Variants in SHISA9 observed in about 807,000 individuals in gnomAD.
The protein encoded by SHISA9 is shisa family member 9.
In SHISA9, 13 loss-of-function variants were observed where a neutral mutation model predicts 38.0. The ratio of observed to expected loss-of-function variants is 0.34; its 90% CI spans 0.22 to 0.54. The LOEUF (loss-of-function observed/expected upper bound fraction) is 0.54, where lower values mean the gene tolerates loss of function less well. SHISA9 is among the 20% of genes least tolerant of loss of function. The probability of loss-of-function intolerance (pLI) is 0.91; values close to 1 mark genes in which losing one functional copy is unlikely to be tolerated. For synonymous variants in SHISA9, 275 were observed against 242.0 expected, an observed-to-expected ratio of 1.14 and a Z score of -1.27; for missense variants, 538 against 575.8, an observed-to-expected ratio of 0.93 and a Z score of 0.67.
At chr16:13,076,021 A>T (rs1260337763) in intron 2 of SHISA9, among the ~76,000 whole-genome samples, 1 of 150,504 alleles carries the variant, frequency 6.6e-6, no homozygotes, top group Non-Finnish European at 1.5e-5. Context: ...ACCCCCATTG[A>T]GAAATAGATT....
chr16:13,382,060 A>ACTTTATCAAACCG, the SHISA9 span, among the ~76,000 whole-genome samples: 1 of 152,212 alleles, frequency 6.6e-6, no homozygotes, highest in Admixed American at 6.5e-5. Flanking sequence ...TGATAATATA[A>ACTTTATCAAACCG]TCAGGGACGG....
rs1424762180 is a variant in SHISA9, at chr16:13,081,397, C to T, written c.692-121997C>T. ...ATGGATGTAAAAGGGTCAGGCGAGG[C>T]TGACAAGCCAGTCCTCACGGCTACT... On this transcript the variant is annotated intron_variant, in intron 2 of 4. Coordinates refer to ENST00000558583, the MANE Select transcript of SHISA9 (RefSeq NM_001145204.3). Among the ~76,000 whole-genome samples the T allele has an allele frequency of 2.0e-5, 3 of 152,296 alleles. No homozygotes were observed. The East Asian group carries it at 5.8e-4, about 29-fold the overall frequency.
rs1418990495 is a variant in SHISA9 at position 13,239,702 on chromosome 16, T to C, written c.*4293T>C. On this transcript the variant is annotated 3_prime_UTR_variant, in exon 5 of 5. Coordinates refer to ENST00000558583, the MANE Select transcript of SHISA9 (RefSeq NM_001145204.3). Reference sequence around the variant, plus strand: ...GGTTGTTTGTTTTTTTCTTGTAAATTTGTTTGAGTTCATTGTAGATTCTGG... The same window carrying C: ...GGTTGTTTGTTTTTTTCTTGTAAATCTGTTTGAGTTCATTGTAGATTCTGG... The C allele has an allele frequency of 2.0e-5, 3 of 152,116 alleles. No individual in the cohort carries two copies. The highest frequency in any genetic ancestry group is 4.4e-5 in the Non-Finnish European group (3 of 68,010). The allele number at this position is 152,116 out of a possible 1,614,324, so 9.4% of individuals were successfully genotyped here.
At chr16:12,958,696 C>T (rs1481187442) in intron 2 of SHISA9, among the ~76,000 whole-genome samples, 1 of 152,102 alleles carries the variant, frequency 6.6e-6, no homozygotes, top group Non-Finnish European at 1.5e-5. Flanking sequence ...GTTCCACAGT[C>T]ACTACATGAG....
At chr16:13,092,960 G>A (rs1432998551) in intron 2 of SHISA9, among the ~76,000 whole-genome samples, 1 of 152,170 alleles carries the variant, frequency 6.6e-6, no homozygotes, top group African/African-American at 2.4e-5. Context: ...TTGGAAAGCC[G>A]TAATTGAGAA....
chr16:13,000,020 A>C (rs2072504373), intron 2 of SHISA9, among the ~76,000 whole-genome samples: 2 of 152,208 alleles, frequency 1.3e-5, no homozygotes. Flanking sequence ...TTTCTCATCT[A>C]TTGGGAATAA....
At chr16:13,081,052 T>C (rs772568609) in intron 2 of SHISA9, among the ~76,000 whole-genome samples, 9 of 152,280 alleles carry the variant, frequency 5.9e-5, no homozygotes, top group Middle Eastern at 3.4e-3. Context: ...CCAAATACCA[T>C]CACATTGGGA....
At chr16:13,350,102 G>T in the SHISA9 span, 7 of 152,322 alleles carry the variant, frequency 4.6e-5, no homozygotes, top group African/African-American at 1.7e-4. Context: ...TGACATGGGG[G>T]GCTCCATCCA....
At chr16:12,980,116 C>T (rs141791240) in intron 2 of SHISA9, among the ~76,000 whole-genome samples, 1 of 152,234 alleles carries the variant, frequency 6.6e-6, no homozygotes, top group African/African-American at 2.4e-5. Flanking sequence ...ATATAATTTC[C>T]CTTTTTATGA....
the SHISA9 span, among the ~76,000 whole-genome samples, chr16:13,360,225 T>C: frequency 6.6e-6 from 1 of 152,218 alleles, no homozygotes; most frequent in Non-Finnish European, 1.5e-5. Flanking sequence ...AGAACTGTCC[T>C]GCACCCTCAG....
intron 3 of SHISA9, among the ~76,000 whole-genome samples, chr16:13,208,388 A>G (rs150147784): frequency 0.014 from 1,978 of 146,416 alleles, 39 homozygotes; most frequent in African/African-American, 0.047. Flanking sequence ...GCTTGTTGGG[A>G]TCACCCTCAC....
At chr16:13,074,185 G>A (rs559545666) in intron 2 of SHISA9, among the ~76,000 whole-genome samples, 1 of 152,162 alleles carries the variant, frequency 6.6e-6, no homozygotes, top group South Asian at 2.1e-4. Context: ...GGCCAGGATG[G>A]TCTCGAACTC....
the SHISA9 span, among the ~76,000 whole-genome samples, chr16:13,469,365 A>AAGAAAAGAAAAAG: frequency 2.1e-3 from 137 of 64,402 alleles, no homozygotes; most frequent in Middle Eastern, 6.3e-3. Context: ...AAAGAAAAGA[A>AAGAAAAGAAAAAG]AAAGAAAGAA....
chr16:13,231,463 A>G (rs1043859361), intron 4 of SHISA9, among the ~76,000 whole-genome samples: 6 of 152,200 alleles, frequency 3.9e-5, no homozygotes, highest in African/African-American at 1.4e-4. Flanking sequence ...TCTAATATTA[A>G]CTTGTGCTAC....
At chr16:13,262,686 A>G in the SHISA9 span, among the ~76,000 whole-genome samples, 1,382 of 58,890 alleles carry the variant, frequency 0.023, 22 homozygotes, top group Non-Finnish European at 0.03. Context: ...GGGAGGAAGG[A>G]AGGAAGGAAG....
chr16:13,417,215 T>C, the SHISA9 span, among the ~76,000 whole-genome samples: 1 of 152,206 alleles, frequency 6.6e-6, no homozygotes, highest in Admixed American at 6.5e-5. Context: ...TTCATGATGA[T>C]GTGTTGAAGG....
At chr16:13,023,240 A>G (rs1016701519) in intron 2 of SHISA9, among the ~76,000 whole-genome samples, 1 of 152,076 alleles carries the variant, frequency 6.6e-6, no homozygotes, top group East Asian at 1.9e-4. Context: ...TCATTGTTCA[A>G]TTCCCACCTA....
Position 13,203,469 on chromosome 16 carries a change from A to T in SHISA9, c.767A>T (p.Asn256Ile), listed in dbSNP as rs1206476319. ...ATGGGCCATCCACATTCGTACCCGA[A>T]CCTGGGCCAGATCTCCAACCCCTAT... Reference protein sequence around the residue: ...QQMGHPHSYPNLGQISNPYEQ... With the variant: ...QQMGHPHSYPILGQISNPYEQ... Residue 256 changes from asparagine (N) to isoleucine (I), a missense_variant, in exon 3 of 5, where the codon AAC becomes ATC. By Grantham distance (149) the Asn-to-Ile change is moderately radical (BLOSUM62 -3). Around this residue, in one of 4 missense-constraint regions of SHISA9, gnomAD observed 326 missense variants for 305.9 expected, o/e 1.07. Coordinates refer to ENST00000558583, the MANE Select transcript of SHISA9 (RefSeq NM_001145204.3). The T allele has an allele frequency of 1.3e-6, 2 of 1,551,246 alleles. No homozygotes were observed. The highest frequency in any genetic ancestry group is 2.0e-5 in the Admixed American group (1 of 50,814).
chr16:13,533,690 T>C, the SHISA9 span, among the ~76,000 whole-genome samples: 2 of 152,016 alleles, frequency 1.3e-5, 1 homozygote, highest in Admixed American at 1.3e-4. Flanking sequence ...AGGATATCAC[T>C]GCTTCAATTG....
Sources: gnomAD v4.1 joint callset for allele counts (sites outside exome capture counted in the v4.1 genomes callset) on GRCh38, gnomAD v4.1.1 for gene constraint, gnomAD v4.1.1 regional missense constraint, MANE v1.5 for transcripts, NCBI Gene and HGNC (gene_info 2026-07-23, HGNC 2026-07-21) for gene names.